Variants in ELAVL3 observed in about 807,000 individuals in gnomAD.
ELAVL3 encodes ELAV like RNA binding protein 3.
Under a neutral mutation model 34.2 loss-of-function variants are expected in ELAVL3, and 8 were observed. The ratio of observed to expected loss-of-function variants is 0.23; its 90% CI spans 0.14 to 0.42. The LOEUF is 0.42. Ranked by LOEUF, ELAVL3 falls within the 10% of genes least tolerant of loss-of-function variation. ELAVL3 has a pLI of 1.00. For missense variants in ELAVL3, 273 were observed against 518.8 expected (o/e 0.53, Z 4.60); for synonymous variants, 209 against 222.1 (o/e 0.94, Z 0.53).
At position 11,454,493 on chromosome 19, in the gene ELAVL3, C is replaced by A; in HGVS notation, c.*33G>T. The A allele has an allele frequency of 7.4e-7, 1 of 1,357,260 alleles. No homozygotes were observed. 84.1% of individuals were successfully genotyped at this position (1,357,260 alleles called of 1,614,324 possible). The stretch of plus-strand genomic sequence containing the variant: ...TTTCTCTCTCTCTCTCTCTGCTGCC[C>A]GGGGAGGGGGTGGGAGGGCAGGCGG... On this transcript the variant is annotated 3_prime_UTR_variant, in exon 7 of 7. Coordinates refer to ENST00000359227, the MANE Select transcript of ELAVL3 (RefSeq NM_001420.4). This position sits in a 1 kb window ranked among gnomAD's most constrained non-coding sequence, Gnocchi z 9.2.
chr19:11,457,061 G>T, intron 6 of ELAVL3, 49 bp downstream of exon 6: 1 of 1,449,248 alleles, frequency 6.9e-7, no homozygotes, highest in Non-Finnish European at 9.1e-7. Flanking sequence ...GGGTGCATCA[G>T]GGGCATGGAT....
Position 11,480,515 on chromosome 19 carries a change from C to CA in ELAVL3, c.9+84_9+85insT, listed in dbSNP as rs1231038726. The stretch of plus-strand genomic sequence containing the variant: ...CCTAGCTAGGCCTGGTCCTACCCCC[C>CA]CCGCCGCACCCGCCCAATCTCCGCG... On this transcript the variant is annotated intron_variant, in intron 1 of 6. Coordinates refer to ENST00000359227, the MANE Select transcript of ELAVL3 (RefSeq NM_001420.4). The surrounding 1 kb of genome is among the most constrained non-coding windows in gnomAD (Gnocchi z 6.8). 3.5e-6 allele frequency: 5 copies of CA among 1,414,078 alleles called. No homozygotes were observed. In the African/African-American group the frequency reaches 6.0e-5, roughly 17 times the overall value. The allele number at this position is 1,414,078 out of a possible 1,614,324, so 87.6% of individuals were successfully genotyped here. A position where few individuals can be genotyped will look rare whatever the true frequency, so the allele number is the denominator to read the frequency against.
intron 1 of ELAVL3, among the ~76,000 whole-genome samples, chr19:11,468,131 T>C (rs1971093188): frequency 1.3e-5 from 2 of 152,082 alleles, no homozygotes; most frequent in Admixed American, 6.6e-5. Context: ...TCCCTAAACA[T>C]ATTTATTTGC....
At chr19:11,459,492 C>A (rs1231635403) in intron 3 of ELAVL3, among the ~76,000 whole-genome samples, 2 of 151,878 alleles carry the variant, frequency 1.3e-5, no homozygotes, top group Non-Finnish European at 2.9e-5. Flanking sequence ...TGGTCTCGAG[C>A]TCCTGATCTC....
At position 11,458,727 on chromosome 19, in the gene ELAVL3, AATAAGTATCTC is replaced by A; in HGVS notation, c.334-127_334-117del. 1 of 1,356,484 alleles carries A rather than the reference AATAAGTATCTC, an allele frequency of 7.4e-7. No homozygotes were observed. The allele number at this position is 1,356,484 out of a possible 1,614,324, so 84.0% of individuals were successfully genotyped here. On this transcript the variant is annotated intron_variant, in intron 3 of 6. Coordinates refer to ENST00000359227, the MANE Select transcript of ELAVL3 (RefSeq NM_001420.4). This position sits in a 1 kb window ranked among gnomAD's most constrained non-coding sequence, Gnocchi z 7.3. ...AGCAGAAGTGACCCATCCGTCACTCAATAAGTATCTCTAGAGTTGTCACCGTGGGGTGGGGC... is the reference window on the plus strand; with the variant it reads ...AGCAGAAGTGACCCATCCGTCACTCATAGAGTTGTCACCGTGGGGTGGGGC...
intron 3 of ELAVL3, among the ~76,000 whole-genome samples, chr19:11,460,053 A>G (rs1970851307): frequency 6.6e-6 from 1 of 151,986 alleles, no homozygotes; most frequent in South Asian, 2.1e-4. Flanking sequence ...GGGGGTGTCA[A>G]GGGCACTTCA....
chr19:11,480,408 A>C lies in ELAVL3; in HGVS notation c.9+192T>G, dbSNP rs1384167532. 2.6e-5 allele frequency: 15 copies of C among 581,338 alleles called. No homozygotes were observed. Among genetic ancestry groups the C allele is most frequent in the Non-Finnish European group, 4.0e-5 (15 of 374,524 alleles). The allele number at this position is 581,338 out of a possible 1,614,324, so 36.0% of individuals were successfully genotyped here. ...GTCTCCCTAAGGCCCTCTCAGACCAAGCTCTAAGCGCCCTCAGCACTCTGG... is the reference window on the plus strand; with the variant it reads ...GTCTCCCTAAGGCCCTCTCAGACCACGCTCTAAGCGCCCTCAGCACTCTGG... On this transcript the variant is annotated intron_variant, in intron 1 of 6. Transcript: ENST00000359227. The surrounding 1 kb of genome is among the most constrained non-coding windows in gnomAD (Gnocchi z 6.8).
At position 11,451,620 on chromosome 19, in the gene ELAVL3, G is replaced by A. The variant is rs1245932881; in HGVS notation, c.*2906C>T. On this transcript the variant is annotated 3_prime_UTR_variant, in exon 7 of 7. Transcript: ENST00000359227. Reference sequence around the variant, plus strand: ...GGAGGGGCTGAGCCCCCTCCCCCCTGGCCTGGCCCCTGCCCCCCAGGGACG... The same window carrying A: ...GGAGGGGCTGAGCCCCCTCCCCCCTAGCCTGGCCCCTGCCCCCCAGGGACG... 2 of 151,454 alleles carry A rather than the reference G, an allele frequency of 1.3e-5. No homozygotes were observed. Among genetic ancestry groups the A allele is most frequent in the Admixed American group, 1.3e-4 (2 of 15,246 alleles). 9.4% of individuals were successfully genotyped at this position (151,454 alleles called of 1,614,324 possible).
At chr19:11,465,397 T>A (rs1971030154) in intron 3 of ELAVL3, among the ~76,000 whole-genome samples, 1 of 151,216 alleles carries the variant, frequency 6.6e-6, no homozygotes, top group Non-Finnish European at 1.5e-5. Flanking sequence ...CACACACACA[T>A]ACACGCTGCA....
chr19:11,455,043 G>A (rs550990860), intron 6 of ELAVL3, among the ~76,000 whole-genome samples, 166 bp from the exon 7 acceptor site: 1 of 152,136 alleles, frequency 6.6e-6, no homozygotes, highest in Admixed American at 6.5e-5. Flanking sequence ...CTGTCACCCA[G>A]GCTGGAGTGC....
Position 11,453,246 on chromosome 19 carries a change from G to C in ELAVL3, c.*1280C>G, listed in dbSNP as rs757685552. ...TGACGCCAAGGTGGAACGAGGTATC[G>C]TGTGTCTCAATGCATGTGCGCTGCG... On this transcript the variant is annotated 3_prime_UTR_variant, in exon 7 of 7. Transcript: ENST00000359227. 6.6e-6 allele frequency: 1 copy of C among 152,212 alleles called. No individual in the cohort carries two copies. Among genetic ancestry groups the C allele is most frequent in the Admixed American group, 6.5e-5 (1 of 15,280 alleles). The allele number at this position is 152,212 out of a possible 1,614,324, so 9.4% of individuals were successfully genotyped here.
At chr19:11,455,619 G>C (rs1457314111) in intron 6 of ELAVL3, among the ~76,000 whole-genome samples, 4 of 151,966 alleles carry the variant, frequency 2.6e-5, no homozygotes, top group Non-Finnish European at 1.5e-5. Context: ...TTTTTGTAGA[G>C]GTGGGGTCTC....
chr19:11,470,882 G>T (rs1033716325), intron 1 of ELAVL3, among the ~76,000 whole-genome samples: 2 of 152,082 alleles, frequency 1.3e-5, no homozygotes, highest in Admixed American at 6.6e-5. Context: ...ATCTTGCTTT[G>T]TTACCCAGGC....
rs911806352 is a variant in ELAVL3, at chr19:11,478,455, G to C, written c.9+2145C>G. Among the ~76,000 whole-genome samples the C allele has an allele frequency of 2.6e-5, 4 of 152,182 alleles. No homozygotes were observed. The East Asian group carries it at 7.7e-4, about 29-fold the overall frequency. ...CTGCAGTAAGTGCACAGCCTGGGATGGTGGCTACATGGGCATCAAAGGGAC... is the reference window on the plus strand; with the variant it reads ...CTGCAGTAAGTGCACAGCCTGGGATCGTGGCTACATGGGCATCAAAGGGAC... On this transcript the variant is annotated intron_variant, in intron 1 of 6. Coordinates refer to ENST00000359227, the MANE Select transcript of ELAVL3 (RefSeq NM_001420.4).
chr19:11,465,151 CCA>C (rs1278856922), intron 3 of ELAVL3, among the ~76,000 whole-genome samples: 2 of 146,542 alleles, frequency 1.4e-5, no homozygotes, highest in Non-Finnish European at 3.0e-5. Context: ...CACATACACA[CCA>C]CACACATACA....
intron 1 of ELAVL3, among the ~76,000 whole-genome samples, chr19:11,469,774 T>G (rs984070188): frequency 2.0e-5 from 3 of 152,184 alleles, no homozygotes; most frequent in African/African-American, 7.2e-5. Context: ...ATGGTAGAAG[T>G]TGGCTGGGTA....
chr19:11,454,246 C>T lies in ELAVL3; in HGVS notation c.*280G>A, dbSNP rs1380036403. 2.4e-6 allele frequency: 1 copy of T among 412,674 alleles called. No homozygotes were observed. Among genetic ancestry groups the T allele is most frequent in the Non-Finnish European group, 4.4e-6 (1 of 229,858 alleles). 25.6% of individuals were successfully genotyped at this position (412,674 alleles called of 1,614,324 possible). A position where few individuals can be genotyped will look rare whatever the true frequency, so the allele number is the denominator to read the frequency against. ...TTTTAGCCGAAAAAAGAAACAAAAA[C>T]CTTCACCATGAACCAAACCAAGACG... On this transcript the variant is annotated 3_prime_UTR_variant, in exon 7 of 7. Coordinates refer to ENST00000359227, the MANE Select transcript of ELAVL3 (RefSeq NM_001420.4). This position sits in a 1 kb window ranked among gnomAD's most constrained non-coding sequence, Gnocchi z 9.2.
At chr19:11,478,718 C>T (rs1298114869) in intron 1 of ELAVL3, among the ~76,000 whole-genome samples, 1 of 152,128 alleles carries the variant, frequency 6.6e-6, no homozygotes, top group East Asian at 1.9e-4. Context: ...TTCCTCTTTT[C>T]CACCATCGCA....
chr19:11,466,130 T>TG lies in ELAVL3; in HGVS notation c.333+41dup. 6.3e-7 allele frequency: 1 copy of TG among 1,576,594 alleles called. No individual in the cohort carries two copies. Among genetic ancestry groups the TG allele is most frequent in the African/African-American group, 1.4e-5 (1 of 73,222 alleles). ...CAGTAGGGGGTTGGGGACAGTCAGT[T>TG]GGGGTGGGCGGTCATGGGGGATTGG... On this transcript the variant is annotated intron_variant, in intron 3 of 6. Transcript: ENST00000359227. The surrounding 1 kb of genome is among the most constrained non-coding windows in gnomAD (Gnocchi z 5.0).
Sources: allele counts gnomAD v4.1 joint callset (sites outside exome capture counted in the v4.1 genomes callset), GRCh38; gene constraint gnomAD v4.1.1; non-coding constraint Gnocchi (gnomAD v3.1); transcripts MANE v1.5; gene names NCBI Gene and HGNC (gene_info 2026-07-23, HGNC 2026-07-21).